CPT1C: variants seen among roughly 807,000 people sequenced by gnomAD.
CPT1C encodes carnitine palmitoyltransferase 1C.
A neutral mutation model predicts 97.3 loss-of-function variants in CPT1C; 61 were observed. The ratio of observed to expected loss-of-function variants is 0.63; its 90% confidence interval spans 0.51 to 0.78. CPT1C has a LOEUF of 0.78. Ranked by LOEUF, CPT1C falls within the 30% of genes least tolerant of loss-of-function variation. CPT1C has a pLI of 0.00. For synonymous variants in CPT1C, 469 were observed against 447.2 expected (o/e 1.05, Z -0.61); for missense variants, 975 against 1,065.5 (o/e 0.92, Z 1.18).
intron 3 of CPT1C, among the ~76,000 whole-genome samples, chr19:49,693,325 G>A (rs996000217): frequency 2.0e-5 from 3 of 151,964 alleles, no homozygotes; most frequent in East Asian, 1.9e-4. Context: ...GTGTGAACTG[G>A]GGTCTGGAAC....
At chr19:49,704,235 G>A (rs1448294831) in intron 7 of CPT1C, among the ~76,000 whole-genome samples, 1 of 152,116 alleles carries the variant, frequency 6.6e-6, no homozygotes, top group Non-Finnish European at 1.5e-5. Context: ...GCAATGGTGC[G>A]ATCTCAGCTC....
chr19:49,698,166 A>G (rs189123787), intron 4 of CPT1C, among the ~76,000 whole-genome samples: 66 of 151,794 alleles, frequency 4.3e-4, no homozygotes, highest in Non-Finnish European at 1.5e-4. Flanking sequence ...GGAGTTTGAG[A>G]CCAACCTAAG....
Position 49,705,924 on chromosome 19 carries a change from T to G in CPT1C, c.980T>G (p.Leu327Arg), listed in dbSNP as rs1052376299. Residue 327 changes from leucine to arginine, a missense_variant, in exon 11 of 20, where the codon CTC (leucine) becomes CGC (arginine). Physicochemically the swap from Leu to Arg is moderately radical, Grantham distance 102. This residue lies in a region of CPT1C where 596 missense variants were observed against 603.1 expected (regional missense o/e 0.99). Transcript: ENST00000598293. ...PGVQKDYIRH[L>R]HDSQHVAVFH... is the part of the protein sequence containing the mutation. The stretch of plus-strand genomic sequence containing the variant: ...CCACCCCTAGACTACATCCGCCACC[T>G]CCATGACAGCCAACACGTGGCTGTC... 5 of 1,613,590 alleles carry G rather than the reference T, an allele frequency of 3.1e-6. No homozygotes were observed. The highest frequency in any genetic ancestry group is 4.2e-6 in the Non-Finnish European group (5 of 1,179,796).
intron 4 of CPT1C, among the ~76,000 whole-genome samples, chr19:49,699,342 C>T (rs879715029): frequency 1.7e-4 from 25 of 149,800 alleles, no homozygotes; most frequent in East Asian, 6.0e-4. Context: ...AATTCCAAGA[C>T]GGAGGCCGGG....
At chr19:49,708,616 A>C (rs1330414542) in intron 13 of CPT1C, 107 bp from the exon 14 acceptor site, 1 of 797,470 alleles carries the variant, frequency 1.3e-6, no homozygotes, top group African/African-American at 1.7e-5. Context: ...TCTGTTTCTC[A>C]GGGACTGCCC....
At chr19:49,708,396 G>A (rs572028729) in intron 13 of CPT1C, among the ~76,000 whole-genome samples, 11 of 152,222 alleles carry the variant, frequency 7.2e-5, no homozygotes, top group African/African-American at 2.6e-4. Context: ...CAGCTACTCC[G>A]GAGGCTAAGG....
Position 49,705,251 on chromosome 19 carries a change from A to G in CPT1C, c.917A>G (p.Gln306Arg). 2 of 1,611,186 alleles carry G rather than the reference A, an allele frequency of 1.2e-6. No individual in the cohort carries two copies. Among genetic ancestry groups the G allele is most frequent in the South Asian group, 2.2e-5 (2 of 91,020 alleles). Residue 306 changes from glutamine to arginine, a missense_variant, in exon 10 of 20, where the codon CAG (glutamine) becomes CGG (arginine). Gln to Arg is a conservative substitution (Grantham distance 43, BLOSUM62 1). Around this residue, in one of 3 missense-constraint regions of CPT1C, gnomAD observed 596 missense variants for 603.1 expected, o/e 0.99. Transcript: ENST00000598293. ...GGAATGCGCCCCTTATGCTCTGCCCAGTACGAGAAGATCTTCAACACCACG... is the reference window on the plus strand; with the variant it reads ...GGAATGCGCCCCTTATGCTCTGCCCGGTACGAGAAGATCTTCAACACCACG... ...LMGMRPLCSAQYEKIFNTTRI... is the reference protein window; with the variant it reads ...LMGMRPLCSARYEKIFNTTRI...
chr19:49,694,545 C>T (rs1421448360), intron 3 of CPT1C, among the ~76,000 whole-genome samples: 1 of 150,028 alleles, frequency 6.7e-6, no homozygotes, highest in Non-Finnish European at 1.5e-5. Context: ...AGAAGAATCA[C>T]TTGAATCCAG....
intron 7 of CPT1C, among the ~76,000 whole-genome samples, chr19:49,702,106 A>AT (rs2083186618): frequency 9.3e-6 from 1 of 107,454 alleles, no homozygotes; most frequent in African/African-American, 3.3e-5. Flanking sequence ...TAAATTATAA[A>AT]TATATATTTA....
In CPT1C at chr19:49,695,426, G is replaced by C. The variant is rs553870224; in HGVS notation, c.142-1900G>C. Among the ~76,000 whole-genome samples the C allele has an allele frequency of 5.9e-5, 9 of 151,614 alleles. No homozygotes were observed. In the East Asian group the frequency reaches 1.8e-3, roughly 30 times the overall value. Reference sequence around the variant, plus strand: ...AGCTTCCCAAGTAGCTGAGATTACAGGTGCCTGCCACCAGGCCCGGCTAAT... The same window carrying C: ...AGCTTCCCAAGTAGCTGAGATTACACGTGCCTGCCACCAGGCCCGGCTAAT... On this transcript the variant is annotated intron_variant, in intron 3 of 19. Transcript: ENST00000598293.
chr19:49,703,042 T>C (rs1267789439), intron 7 of CPT1C, among the ~76,000 whole-genome samples: 1 of 151,408 alleles, frequency 6.6e-6, no homozygotes, highest in Non-Finnish European at 1.5e-5. Context: ...AATATTTTTT[T>C]CTTCACACTT....
chr19:49,707,596 C>A lies in CPT1C; in HGVS notation c.1422C>A (p.Asp474Glu). ...TCAGCGTGGAGCACTCCTGGGCCGA[C>A]TGCCCCATCTCAGGACACATGTGGG... is the stretch of plus-strand genomic sequence containing the variant. Reference protein sequence around the residue: ...LGLSVEHSWADCPISGHMWEF... With the variant: ...LGLSVEHSWAECPISGHMWEF... Residue 474 changes from aspartate (D) to glutamate (E), a missense_variant, in exon 13 of 20, where the codon GAC (aspartate) becomes GAA (glutamate). Asp to Glu is a conservative substitution (Grantham distance 45, BLOSUM62 2). This residue lies in a region of CPT1C where 35 missense variants were observed against 66.6 expected (regional missense o/e 0.53). Transcript: ENST00000598293. The A allele has an allele frequency of 6.2e-7, 1 of 1,613,298 alleles. No individual in the cohort carries two copies. Among genetic ancestry groups the A allele is most frequent in the Non-Finnish European group, 8.5e-7 (1 of 1,179,640 alleles).
intron 4 of CPT1C, among the ~76,000 whole-genome samples, chr19:49,698,207 A>T (rs2082780036): frequency 6.6e-6 from 1 of 151,980 alleles, no homozygotes; most frequent in African/African-American, 2.4e-5. Flanking sequence ...TCTACTAAAA[A>T]TAACAAAAAA....
At chr19:49,697,657 C>G in intron 4 of CPT1C, 192 bp downstream of exon 4, 2 of 577,912 alleles carry the variant, frequency 3.5e-6, no homozygotes, top group Non-Finnish European at 5.8e-6. Context: ...GTAATCCCAG[C>G]ACATTGGGCA....
intron 7 of CPT1C, among the ~76,000 whole-genome samples, chr19:49,703,901 G>A (rs946607004): frequency 6.6e-6 from 1 of 151,958 alleles, no homozygotes; most frequent in African/African-American, 2.4e-5. Flanking sequence ...CCAAAATGCT[G>A]AGATAAGAGG....
At chr19:49,712,617 G>A (rs2083972401) in intron 17 of CPT1C, 119 bp from the exon 18 acceptor site, 2 of 726,802 alleles carry the variant, frequency 2.8e-6, no homozygotes, top group South Asian at 3.2e-5. Context: ...GCGTGGTTAG[G>A]GAGAAGGAGG....
At chr19:49,712,413 C>A (rs951114181) in intron 17 of CPT1C, 5 of 355,976 alleles carry the variant, frequency 1.4e-5, no homozygotes, top group Non-Finnish European at 2.6e-5. Flanking sequence ...TGTGGGGGGG[C>A]GGCAAGGCAG....
At chr19:49,708,002 C>CAAAAAAAAAAAAAAAA (rs60276067) in intron 13 of CPT1C, among the ~76,000 whole-genome samples, 1 of 56,784 alleles carries the variant, frequency 1.8e-5, no homozygotes, top group Non-Finnish European at 3.5e-5. Flanking sequence ...GAATACATCT[C>CAAAAAAAAAAAAAAAA]AAAAAAAAAA....
intron 7 of CPT1C, among the ~76,000 whole-genome samples, chr19:49,702,114 T>TTATTTATAAAGTATAAATAAATATA (rs1568521865): frequency 1.6e-4 from 2 of 12,136 alleles, no homozygotes; most frequent in African/African-American, 9.2e-4. Context: ...AAATATATAT[T>TTATTTATAAAGTATAAATAAATATA]TATTTATTTA....
Sources: gnomAD v4.1 joint callset for allele counts (sites outside exome capture counted in the v4.1 genomes callset) on GRCh38, gnomAD v4.1.1 for gene constraint, gnomAD v4.1.1 regional missense constraint, MANE v1.5 for transcripts, NCBI Gene and HGNC (gene_info 2026-07-23, HGNC 2026-07-21) for gene names.